The following FZD3 variants were observed in gnomAD, a reference collection of about 807,000 sequenced individuals.
FZD3 encodes the protein frizzled-3.
Under a neutral mutation model 60.7 loss-of-function variants are expected in FZD3, and 30 were observed. The ratio of observed to expected loss-of-function variants is 0.49; its 90% CI spans 0.37 to 0.67. The LOEUF is 0.67. FZD3 is among the 30% of genes least tolerant of loss of function. FZD3 has a pLI of 0.00. For synonymous variants in FZD3, 246 were observed against 275.2 expected (o/e 0.89, Z 1.05); for missense variants, 605 against 838.7 (o/e 0.72, Z 3.44).
chr8:28,528,964 G>C (rs952512748), intron 5 of FZD3, among the ~76,000 whole-genome samples: 1 of 152,072 alleles, frequency 6.6e-6, no homozygotes, highest in Non-Finnish European at 1.5e-5. Context: ...AGTCTTACTA[G>C]AATGCAGTGG....
rs1380806447 is a variant in FZD3 at position 28,565,896 on chromosome 8, A to G, written c.*2885A>G. The G allele has an allele frequency of 2.0e-5, 3 of 152,086 alleles. No homozygotes were observed. The highest frequency in any genetic ancestry group is 7.2e-5 in the African/African-American group (3 of 41,438). 9.4% of individuals were successfully genotyped at this position (152,086 alleles called of 1,614,324 possible). On this transcript the variant is annotated 3_prime_UTR_variant, in exon 8 of 8. Transcript: ENST00000240093. Reference sequence around the variant, plus strand: ...GTTTAGTGTTTTCTTTTTTCAGTTGACAACTGAGAAAATAATAGTTCTCTC... The same window carrying G: ...GTTTAGTGTTTTCTTTTTTCAGTTGGCAACTGAGAAAATAATAGTTCTCTC...
intron 3 of FZD3, among the ~76,000 whole-genome samples, chr8:28,504,059 A>G (rs1226480827): frequency 1.3e-5 from 2 of 152,202 alleles, no homozygotes; most frequent in Admixed American, 6.5e-5. Flanking sequence ...TCTTCAGCCT[A>G]TTTCCATAGC....
At chr8:28,541,074 T>G (rs1805154180) in intron 5 of FZD3, among the ~76,000 whole-genome samples, 1 of 152,262 alleles carries the variant, frequency 6.6e-6, no homozygotes, top group Non-Finnish European at 1.5e-5. Flanking sequence ...TGGCCTGTTT[T>G]ACGTACTAAC....
At chr8:28,550,477 TTA>T (rs1805385592) in intron 5 of FZD3, among the ~76,000 whole-genome samples, 1 of 137,898 alleles carries the variant, frequency 7.3e-6, no homozygotes, top group Admixed American at 8.0e-5. Flanking sequence ...ATTTCTTCTT[TTA>T]TCTTTTTTTT....
chr8:28,554,377 G>A (rs2130462628), intron 6 of FZD3, among the ~76,000 whole-genome samples: 1 of 152,210 alleles, frequency 6.6e-6, no homozygotes, highest in African/African-American at 2.4e-5. Flanking sequence ...TGATTACAGA[G>A]GAACGAATCC....
At chr8:28,544,108 T>C (rs1805239760) in intron 5 of FZD3, among the ~76,000 whole-genome samples, 2 of 151,936 alleles carry the variant, frequency 1.3e-5, no homozygotes, top group African/African-American at 4.8e-5. Flanking sequence ...GGATAAAATA[T>C]GGATTACCTG....
chr8:28,555,574 G>T (rs1805492857), intron 6 of FZD3, among the ~76,000 whole-genome samples, 164 bp from the exon 7 acceptor site: 2 of 152,094 alleles, frequency 1.3e-5, no homozygotes, highest in South Asian at 2.1e-4. Flanking sequence ...ATAGATTGTT[G>T]TTCTATTCTT....
intron 6 of FZD3, among the ~76,000 whole-genome samples, chr8:28,554,657 A>C (rs1442966566): frequency 6.6e-6 from 1 of 152,074 alleles, no homozygotes; most frequent in African/African-American, 2.4e-5. Context: ...TTAGAAATAC[A>C]CTCTTAGGAC....
intron 3 of FZD3, among the ~76,000 whole-genome samples, chr8:28,517,862 T>A (rs1563387532): frequency 6.6e-6 from 1 of 152,176 alleles, no homozygotes; most frequent in Non-Finnish European, 1.5e-5. Flanking sequence ...ACCACATTTT[T>A]TTATTTTTTA....
chr8:28,499,126 A>C (rs1185602234), intron 1 of FZD3, among the ~76,000 whole-genome samples: 1 of 152,210 alleles, frequency 6.6e-6, no homozygotes, highest in Middle Eastern at 3.2e-3. Context: ...AGAGTTAATT[A>C]CTTCATACAC....
intron 5 of FZD3, among the ~76,000 whole-genome samples, chr8:28,530,101 G>C (rs928622928): frequency 3.6e-4 from 10 of 28,028 alleles, no homozygotes; most frequent in African/African-American, 1.2e-3. Flanking sequence ...GTGTGTGTGT[G>C]TGTGTGTGTG....
chr8:28,500,485 GAAAAATAGATTA>G (rs1803959408), intron 2 of FZD3, among the ~76,000 whole-genome samples: 3 of 152,130 alleles, frequency 2.0e-5, no homozygotes, highest in Admixed American at 1.3e-4. Context: ...ATACCTGCTT[GAAAAATAGATTA>G]GTTTAAATGA....
At chr8:28,530,116 TGTGTGTGTG>T (rs1804826821) in intron 5 of FZD3, among the ~76,000 whole-genome samples, 2 of 139,856 alleles carry the variant, frequency 1.4e-5, no homozygotes, top group African/African-American at 2.6e-5. Flanking sequence ...TGTGTGTGTG[TGTGTGTGTG>T]TGTGTGTGTG....
intron 7 of FZD3, among the ~76,000 whole-genome samples, chr8:28,559,812 A>G (rs562870518): frequency 9.2e-5 from 14 of 152,320 alleles, no homozygotes; most frequent in Admixed American, 7.8e-4. Context: ...GTCATTTTCT[A>G]ATCATCTCAT....
chr8:28,502,311 G>A (rs1804016647), intron 2 of FZD3, among the ~76,000 whole-genome samples: 1 of 152,042 alleles, frequency 6.6e-6, no homozygotes, highest in African/African-American at 2.4e-5. Flanking sequence ...TAGGTTATAA[G>A]CGTAATATTT....
chr8:28,560,539 G>GA (rs1329452604), intron 7 of FZD3, among the ~76,000 whole-genome samples: 1 of 151,928 alleles, frequency 6.6e-6, no homozygotes, highest in Non-Finnish European at 1.5e-5. Flanking sequence ...ATTTTTCTAT[G>GA]AAAAATATAT....
chr8:28,533,038 G>T (rs1009152299), intron 5 of FZD3, among the ~76,000 whole-genome samples: 7 of 151,940 alleles, frequency 4.6e-5, no homozygotes, highest in Admixed American at 2.6e-4. Context: ...ATTTCTTCTT[G>T]AGGCATTTTT....
At chr8:28,509,444 A>T (rs1196090717) in intron 3 of FZD3, among the ~76,000 whole-genome samples, 4 of 151,898 alleles carry the variant, frequency 2.6e-5, no homozygotes, top group Non-Finnish European at 2.9e-5. Context: ...TCATAGTAGC[A>T]TTTATAGATA....
In FZD3 at chr8:28,551,587, C is replaced by CT. The variant is rs1389508187; in HGVS notation, c.1405-13dup. The CT allele has an allele frequency of 6.4e-7, 1 of 1,559,512 alleles. No individual in the cohort carries two copies. Among genetic ancestry groups the CT allele is most frequent in the East Asian group, 2.2e-5 (1 of 44,528 alleles). On this transcript the variant is annotated splice_polypyrimidine_tract_variant and intron_variant, in intron 5 of 7. Coordinates refer to ENST00000240093, the MANE Select transcript of FZD3 (RefSeq NM_017412.4). Reference sequence around the variant, plus strand: ...ATTTTTATATATTTAAGATGCTTTTCTTTCTGTTCTTCCAGGTTACTCAAA... The same window carrying CT: ...ATTTTTATATATTTAAGATGCTTTTCTTTTCTGTTCTTCCAGGTTACTCAAA...
Sources: gnomAD v4.1 joint callset for allele counts (sites outside exome capture counted in the v4.1 genomes callset) on GRCh38, gnomAD v4.1.1 for gene constraint, MANE v1.5 for transcripts, NCBI Gene and HGNC (gene_info 2026-07-23, HGNC 2026-07-21) for gene names.